FAM184B: variants seen among roughly 807,000 people sequenced by gnomAD.
The protein encoded by FAM184B is protein FAM184B.
A neutral mutation model predicts 135.9 loss-of-function variants in FAM184B; 111 were observed. The observed-to-expected ratio is 0.82, with a 90% confidence interval of 0.70 to 0.96. FAM184B has a LOEUF of 0.96. Among genes scored for constraint, FAM184B ranks in the 40% least tolerant of loss-of-function variants. The pLI, the probability that FAM184B is intolerant of heterozygous loss-of-function variation, is 0.00. For synonymous variants in FAM184B, 552 were observed against 524.8 expected (o/e 1.05, Z -0.71); for missense variants, 1,375 against 1,323.9 (o/e 1.04, Z -0.60).
intron 15 of FAM184B, 73 bp downstream of exon 15, chr4:17,636,455 G>A (rs1715138995): frequency 8.6e-7 from 1 of 1,161,326 alleles, no homozygotes; most frequent in Non-Finnish European, 1.2e-6. Flanking sequence ...CTGGGTGCAA[G>A]TGAACGCCCC....
chr4:17,745,509 C>T (rs1290385734), intron 1 of FAM184B, among the ~76,000 whole-genome samples: 1 of 152,212 alleles, frequency 6.6e-6, no homozygotes, highest in African/African-American at 2.4e-5. Context: ...CTCAGGGATA[C>T]TTTACTGGCC....
At chr4:17,692,198 G>A (rs982893328) in intron 6 of FAM184B, among the ~76,000 whole-genome samples, 37 of 152,108 alleles carry the variant, frequency 2.4e-4, no homozygotes, top group Non-Finnish European at 4.4e-5. Context: ...GGAGGGAGAA[G>A]TGAAGGAGGA....
intron 1 of FAM184B, among the ~76,000 whole-genome samples, chr4:17,724,874 A>G (rs184160744): frequency 3.9e-5 from 6 of 152,272 alleles, no homozygotes; most frequent in East Asian, 1.9e-4. Context: ...GGACTCCTAT[A>G]TTCTACGTCA....
chr4:17,749,846 C>T (rs996965796), intron 1 of FAM184B, among the ~76,000 whole-genome samples: 1 of 152,116 alleles, frequency 6.6e-6, no homozygotes, highest in Non-Finnish European at 1.5e-5. Flanking sequence ...GTATTTATTT[C>T]ATAGTTAAGA....
intron 1 of FAM184B, among the ~76,000 whole-genome samples, chr4:17,764,949 C>T (rs1201654336): frequency 2.6e-5 from 4 of 152,076 alleles, no homozygotes; most frequent in African/African-American, 9.7e-5. Flanking sequence ...ATCTGTAATC[C>T]CAGCTACTCA....
chr4:17,636,426 T>C, intron 15 of FAM184B, 102 bp downstream of exon 15: 1 of 875,234 alleles, frequency 1.1e-6, no homozygotes, highest in Non-Finnish European at 1.8e-6. Flanking sequence ...TGTAAGATAT[T>C]AGGGCACCTA....
At position 17,765,903 on chromosome 4, in the gene FAM184B, G is replaced by A. The variant is rs147689672; in HGVS notation, c.141+15256C>T. Among the ~76,000 whole-genome samples, 289 of 152,118 alleles carry A rather than the reference G, an allele frequency of 1.9e-3. 2 individuals carry two copies. Among genetic ancestry groups the A allele is most frequent in the African/African-American group, 6.3e-3 (262 of 41,520 alleles). Reference sequence around the variant, plus strand: ...TTCAGAAGTGAAGCTGCAGACCTTCGCGGTGGTGAGTGTTACAGCTCTTAA... The same window carrying A: ...TTCAGAAGTGAAGCTGCAGACCTTCACGGTGGTGAGTGTTACAGCTCTTAA... On this transcript the variant is annotated intron_variant, in intron 1 of 17. Coordinates refer to ENST00000265018, the MANE Select transcript of FAM184B (RefSeq NM_015688.2).
At chr4:17,720,356 C>T (rs1377928747) in intron 1 of FAM184B, among the ~76,000 whole-genome samples, 1 of 152,096 alleles carries the variant, frequency 6.6e-6, no homozygotes, top group African/African-American at 2.4e-5. Flanking sequence ...CAATTGCTAA[C>T]GTCAAAAATT....
At chr4:17,765,834 T>A (rs1006159538) in intron 1 of FAM184B, among the ~76,000 whole-genome samples, 5 of 152,212 alleles carry the variant, frequency 3.3e-5, no homozygotes, top group African/African-American at 1.2e-4. Flanking sequence ...TATTCAGATG[T>A]GTTCTGAGTT....
At chr4:17,768,649 A>G (rs1207545848) in intron 1 of FAM184B, among the ~76,000 whole-genome samples, 2 of 152,142 alleles carry the variant, frequency 1.3e-5, no homozygotes, top group Admixed American at 6.5e-5. Context: ...TCAGTTTTCA[A>G]TTATCCAAAA....
At chr4:17,728,895 T>G (rs1717703934) in intron 1 of FAM184B, among the ~76,000 whole-genome samples, 1 of 152,116 alleles carries the variant, frequency 6.6e-6, no homozygotes, top group Non-Finnish European at 1.5e-5. Context: ...TGCCACACAG[T>G]GGGTGCAGGA....
Position 17,781,502 on chromosome 4 carries a change from C to A in FAM184B, c.-203G>T. ...CCCGCGCGCCCACCCTTTTTCCTCT[C>A]CTGCTGGTTCTCTGGCTGGCTGGCT... On this transcript the variant is annotated 5_prime_UTR_variant, in exon 1 of 18. Coordinates refer to ENST00000265018, the MANE Select transcript of FAM184B (RefSeq NM_015688.2). The surrounding 1 kb of genome is among the most constrained non-coding windows in gnomAD (Gnocchi z 6.5). 1 of 567,522 alleles carries A rather than the reference C, an allele frequency of 1.8e-6. No individual in the cohort carries two copies. Among genetic ancestry groups the A allele is most frequent in the Non-Finnish European group, 2.8e-6 (1 of 355,546 alleles). The allele number at this position is 567,522 out of a possible 1,614,324, so 35.2% of individuals were successfully genotyped here.
Position 17,631,193 on chromosome 4 carries a change from C to G in FAM184B, c.*1339G>C, listed in dbSNP as rs1040793501. Reference sequence around the variant, plus strand: ...GAGGCAAATGGCTCAAACCCAAAGACCAGAGGTTCAGGGGATATATATATA... The same window carrying G: ...GAGGCAAATGGCTCAAACCCAAAGAGCAGAGGTTCAGGGGATATATATATA... On this transcript the variant is annotated 3_prime_UTR_variant, in exon 18 of 18. Transcript: ENST00000265018. 2 of 152,018 alleles carry G rather than the reference C, an allele frequency of 1.3e-5. No individual in the cohort carries two copies. Among genetic ancestry groups the G allele is most frequent in the African/African-American group, 4.8e-5 (2 of 41,300 alleles). 9.4% of individuals were successfully genotyped at this position (152,018 alleles called of 1,614,324 possible). A position where few individuals can be genotyped will look rare whatever the true frequency, so the allele number is the denominator to read the frequency against.
intron 13 of FAM184B, 23 bp from the exon 14 acceptor site, chr4:17,639,419 C>T (rs1715244065): frequency 6.5e-7 from 1 of 1,549,936 alleles, no homozygotes; most frequent in African/African-American, 1.4e-5. Context: ...AAAGCACAGC[C>T]AGGCTTGCCC....
At chr4:17,648,160 C>G (rs1030396501) in intron 11 of FAM184B, among the ~76,000 whole-genome samples, 1 of 152,036 alleles carries the variant, frequency 6.6e-6, no homozygotes, top group African/African-American at 2.4e-5. Context: ...TGCTTGCCCT[C>G]TACTGGTTGG....
chr4:17,690,147 CAAA>C (rs1182400475), intron 6 of FAM184B, among the ~76,000 whole-genome samples: 32 of 130,046 alleles, frequency 2.5e-4, no homozygotes, highest in Admixed American at 2.4e-3. Context: ...GACTCCGTCT[CAAA>C]AAAAAAAAAA....
intron 1 of FAM184B, among the ~76,000 whole-genome samples, chr4:17,776,484 G>T (rs539095600): frequency 9.9e-5 from 15 of 152,174 alleles, no homozygotes; most frequent in African/African-American, 3.4e-4. Context: ...CGCCTCTCGG[G>T]TTCAAGCGAT....
In FAM184B at chr4:17,663,530, A is replaced by T. The variant is rs1468170493; in HGVS notation, c.1694+1032T>A. 3.9e-5 allele frequency among the ~76,000 whole-genome samples: 6 copies of T among 152,126 alleles called. No individual in the cohort carries two copies. The East Asian group carries it at 1.2e-3, about 29-fold the overall frequency. ...AACTTCAGCAAAGTCTCAAGATACA[A>T]AATTGATGTGCAAAAATCACTAACA... is the stretch of plus-strand genomic sequence containing the variant. On this transcript the variant is annotated intron_variant, in intron 8 of 17. Coordinates refer to ENST00000265018, the MANE Select transcript of FAM184B (RefSeq NM_015688.2).
intron 1 of FAM184B, among the ~76,000 whole-genome samples, chr4:17,764,591 G>T (rs957856728): frequency 1.3e-5 from 2 of 152,154 alleles, no homozygotes; most frequent in Admixed American, 1.3e-4. Flanking sequence ...ATAAGACAAA[G>T]TTCTTGTCCT....
Sources: gnomAD v4.1 joint callset for allele counts (sites outside exome capture counted in the v4.1 genomes callset) on GRCh38, gnomAD v4.1.1 for gene constraint, Gnocchi (gnomAD v3.1) non-coding constraint, MANE v1.5 for transcripts, NCBI Gene and HGNC (gene_info 2026-07-23, HGNC 2026-07-21) for gene names.